Variants in IFIH1 observed in about 807,000 individuals in gnomAD.
IFIH1 encodes interferon induced with helicase C domain 1.
In IFIH1, 125 loss-of-function variants were observed where a neutral mutation model predicts 107.4. The observed-to-expected ratio is 1.16, with a 90% CI of 1.01 to 1.35. The LOEUF is 1.35. Ranked by LOEUF, IFIH1 falls within the 40% of genes most tolerant of loss-of-function variation. IFIH1 has a pLI of 0.00. For missense variants in IFIH1, 1,333 were observed against 1,213.7 expected (o/e 1.10, Z -1.46); for synonymous variants, 458 against 413.2 (o/e 1.11, Z -1.31).
At chr2:162,313,634 T>G (rs772586510) in intron 1 of IFIH1, among the ~76,000 whole-genome samples, 56 of 152,212 alleles carry the variant, frequency 3.7e-4, no homozygotes, top group Non-Finnish European at 7.3e-4. Flanking sequence ...TAACCTTAGA[T>G]AGCTATTTAA....
intron 3 of IFIH1, 60 bp from the exon 4 acceptor site, chr2:162,293,728 A>G (rs1327521622): frequency 9.6e-7 from 1 of 1,044,110 alleles, no homozygotes. Context: ...ACGTATTTTA[A>G]CTGCACACCT....
chr2:162,293,123 C>A (rs571899157), intron 4 of IFIH1, among the ~76,000 whole-genome samples: 9 of 152,008 alleles, frequency 5.9e-5, no homozygotes, highest in Admixed American at 2.0e-4. Context: ...AACTTGACTT[C>A]TTTTACTTAC....
At chr2:162,290,661 C>CA (rs1682980646) in intron 4 of IFIH1, among the ~76,000 whole-genome samples, 1 of 151,892 alleles carries the variant, frequency 6.6e-6, no homozygotes, top group Non-Finnish European at 1.5e-5. Context: ...GTTATGCACA[C>CA]AAAAATACCT....
At position 162,310,924 on chromosome 2, in the gene IFIH1, CA is replaced by C; in HGVS notation, c.462del (p.Ala155GlnfsTer10). On this transcript the variant is annotated frameshift_variant, in exon 2 of 16. Coordinates refer to ENST00000649979, the MANE Select transcript of IFIH1 (RefSeq NM_022168.4). LOFTEE classifies it high-confidence loss of function. ...LTIEDRNRIA[A>X]AENNGNESGV... is the part of the protein sequence containing the mutation. Reference sequence around the variant, plus strand: ...CCTGATTCATTTCCATTGTTTTCTGCAGCAGCAATCTGTTGTAAGAGAAAAT... The same window carrying C: ...CCTGATTCATTTCCATTGTTTTCTGCGCAGCAATCTGTTGTAAGAGAAAAT... The C allele has an allele frequency of 6.2e-7, 1 of 1,612,260 alleles. No individual in the cohort carries two copies. The highest frequency in any genetic ancestry group is 8.5e-7 in the Non-Finnish European group (1 of 1,178,930).
intron 4 of IFIH1, among the ~76,000 whole-genome samples, chr2:162,288,837 T>G (rs1456200867): frequency 6.6e-6 from 1 of 151,856 alleles, no homozygotes; most frequent in Non-Finnish European, 1.5e-5. Context: ...TCCCCTTTTT[T>G]TAATTGCAAA....
intron 11 of IFIH1, among the ~76,000 whole-genome samples, chr2:162,275,952 T>C (rs1203792467): frequency 6.6e-6 from 1 of 152,228 alleles, no homozygotes; most frequent in East Asian, 1.9e-4. Flanking sequence ...CAAGTTTCCC[T>C]AGAGGTCTCA....
chr2:162,308,663 C>T (rs1005069678), intron 2 of IFIH1, among the ~76,000 whole-genome samples: 1 of 152,176 alleles, frequency 6.6e-6, no homozygotes, highest in Admixed American at 6.5e-5. Context: ...CAGGCGTGAG[C>T]CACCACGCTT....
At chr2:162,304,537 A>G (rs775123113) in intron 3 of IFIH1, among the ~76,000 whole-genome samples, 1 of 152,204 alleles carries the variant, frequency 6.6e-6, no homozygotes, top group Admixed American at 6.5e-5. Flanking sequence ...AAAGCAAGCC[A>G]ACTGTGAAAA....
chr2:162,267,272 C>A lies in IFIH1; in HGVS notation c.3006G>T (p.Lys1002Asn). The part of the protein sequence containing the change: ...KNNSTKKQYK[K>N]WVELPITFPN... The stretch of plus-strand genomic sequence containing the variant: ...GAAATGTGATAGGTAATTCTACCCA[C>A]TTTTTGTATTGTTTCTTTGTTGAAT... The change falls in exon 16 of 16, where the codon AAG becomes AAT. Residue 1002 changes from lysine to asparagine, a missense_variant. By Grantham distance (94) the Lys-to-Asn change is moderately conservative. Transcript: ENST00000649979. 1.9e-6 allele frequency: 3 copies of A among 1,612,046 alleles called. No homozygotes were observed. The highest frequency in any genetic ancestry group is 2.5e-6 in the Non-Finnish European group (3 of 1,179,426).
At chr2:162,297,044 G>A (rs1211239868) in intron 3 of IFIH1, among the ~76,000 whole-genome samples, 2 of 151,850 alleles carry the variant, frequency 1.3e-5, no homozygotes, top group Admixed American at 1.3e-4. Flanking sequence ...AGAAATATAA[G>A]TAAAATTTAA....
intron 2 of IFIH1, 103 bp downstream of exon 2, chr2:162,310,662 G>T: frequency 1.1e-6 from 1 of 897,430 alleles, no homozygotes; most frequent in South Asian, 1.5e-5. Context: ...TTAAAATTTT[G>T]ATTCTAAAAA....
At chr2:162,278,577 A>G (rs1033552213) in intron 8 of IFIH1, among the ~76,000 whole-genome samples, 5 of 152,182 alleles carry the variant, frequency 3.3e-5, no homozygotes, top group Non-Finnish European at 7.4e-5. Context: ...AAGGTTAACA[A>G]AAGTAAAGTT....
chr2:162,276,527 C>A lies in IFIH1; in HGVS notation c.2304+160G>T, dbSNP rs150612519. ...GGCTGGGGCTGGAGGATTGCTTGAG[C>A]CTAGGAGGTCAAGGGTGCAGTGAAT... On this transcript the variant is annotated intron_variant, in intron 11 of 15. Coordinates refer to ENST00000649979, the MANE Select transcript of IFIH1 (RefSeq NM_022168.4). Among the ~76,000 whole-genome samples the A allele has an allele frequency of 2.7e-3, 412 of 152,178 alleles. 3 individuals carry two copies. The highest frequency in any genetic ancestry group is 9.5e-3 in the African/African-American group (396 of 41,494).
At chr2:162,310,651 C>CT in intron 2 of IFIH1, 114 bp downstream of exon 2, 2 of 803,500 alleles carry the variant, frequency 2.5e-6, no homozygotes, top group Non-Finnish European at 4.1e-6. Flanking sequence ...ATGTTCCACT[C>CT]TTAAAATTTT....
rs758898063 is a variant in IFIH1 at position 162,279,977 on chromosome 2, T to C, written c.1641+19A>G. ...ATGTAGTATTGTCAATCAATAGATA[T>C]AAAACATTAAGCCCATACTTCTCTG... On this transcript the variant is annotated intron_variant, in intron 8 of 15. Coordinates refer to ENST00000649979, the MANE Select transcript of IFIH1 (RefSeq NM_022168.4). The C allele has an allele frequency of 4.8e-6, 6 of 1,239,266 alleles. No homozygotes were observed. Among genetic ancestry groups the C allele is most frequent in the East Asian group, 2.3e-5 (1 of 43,124 alleles). 76.8% of individuals were successfully genotyped at this position (1,239,266 alleles called of 1,614,324 possible).
chr2:162,290,809 C>G (rs1682983778), intron 4 of IFIH1, among the ~76,000 whole-genome samples: 1 of 151,810 alleles, frequency 6.6e-6, no homozygotes, highest in South Asian at 2.1e-4. Context: ...AGACTAGCAT[C>G]CAAAGAATAA....
At chr2:162,293,264 G>C (rs1469734425) in intron 4 of IFIH1, among the ~76,000 whole-genome samples, 1 of 151,916 alleles carries the variant, frequency 6.6e-6, no homozygotes, top group African/African-American at 2.4e-5. Flanking sequence ...CTATTTAAAT[G>C]CAGTCAAATT....
intron 8 of IFIH1, 123 bp from the exon 9 acceptor site, chr2:162,278,451 G>A: frequency 1.8e-6 from 1 of 570,700 alleles, no homozygotes; most frequent in Non-Finnish European, 2.9e-6. Context: ...CAAAGTAACA[G>A]GTTAGTGTCC....
chr2:162,272,861 A>G (rs1691072414), intron 12 of IFIH1, among the ~76,000 whole-genome samples: 1 of 152,206 alleles, frequency 6.6e-6, no homozygotes, highest in Admixed American at 6.5e-5. Flanking sequence ...ATGGGAACAT[A>G]TTTAACATGG....
Sources: gnomAD v4.1 joint callset for allele counts (sites outside exome capture counted in the v4.1 genomes callset) on GRCh38, gnomAD v4.1.1 for gene constraint, MANE v1.5 for transcripts, NCBI Gene and HGNC (gene_info 2026-07-23, HGNC 2026-07-21) for gene names.